The following GLMN variants were observed in gnomAD, a reference collection of about 807,000 sequenced individuals.
GLMN encodes glomulin, FKBP associated protein, also known as glomulin.
A neutral mutation model predicts 87.8 loss-of-function variants in GLMN; 75 were observed. That is an observed-to-expected ratio of 0.85 (90% CI 0.71 to 1.04). GLMN has a LOEUF of 1.04. GLMN is among the 50% of genes least tolerant of loss of function. The pLI, the probability that GLMN is intolerant of heterozygous loss-of-function variation, is 0.00. For missense variants in GLMN, 588 were observed against 658.8 expected (o/e 0.89, Z 1.18); for synonymous variants, 206 against 221.6 (o/e 0.93, Z 0.63).
intron 3 of GLMN, among the ~76,000 whole-genome samples, chr1:92,292,593 T>TC (rs1312519413): frequency 6.7e-6 from 1 of 148,288 alleles, no homozygotes; most frequent in Non-Finnish European, 1.5e-5. Flanking sequence ...TGCCTTTTTT[T>TC]TTTTTTTTTT....
At chr1:92,327,405 G>T in the GLMN span, among the ~76,000 whole-genome samples, 1 of 152,148 alleles carries the variant, frequency 6.6e-6, no homozygotes, top group East Asian at 1.9e-4. Flanking sequence ...TTTTATCATT[G>T]TATAATGTCC....
chr1:92,370,476 A>T, the GLMN span, among the ~76,000 whole-genome samples: 332 of 152,320 alleles, frequency 2.2e-3, 2 homozygotes, highest in South Asian at 9.3e-3. Flanking sequence ...AAAAACACCC[A>T]CAAAAGTTCC....
chr1:92,364,333 G>C, the GLMN span, among the ~76,000 whole-genome samples: 1 of 152,124 alleles, frequency 6.6e-6, no homozygotes, highest in Non-Finnish European at 1.5e-5. Flanking sequence ...AAGAGGTTTG[G>C]AAGAGTACTA....
chr1:92,306,163 A>T, the GLMN span, among the ~76,000 whole-genome samples: 1 of 152,178 alleles, frequency 6.6e-6, no homozygotes, highest in East Asian at 1.9e-4. Flanking sequence ...TATATGAGGT[A>T]CCTAGAGAAG....
the GLMN span, among the ~76,000 whole-genome samples, chr1:92,367,156 G>T: frequency 6.6e-6 from 1 of 152,130 alleles, no homozygotes; most frequent in African/African-American, 2.4e-5. Context: ...AAAGCTTCAG[G>T]TACTTCAGCT....
chr1:92,288,755 C>T (rs1308661448), intron 6 of GLMN, among the ~76,000 whole-genome samples, 159 bp downstream of exon 6: 1 of 152,156 alleles, frequency 6.6e-6, no homozygotes, highest in Non-Finnish European at 1.5e-5. Context: ...ATAAATGTCT[C>T]AAGTTCCCAT....
At chr1:92,251,459 G>C (rs1315402005) in intron 16 of GLMN, among the ~76,000 whole-genome samples, 1 of 151,834 alleles carries the variant, frequency 6.6e-6, no homozygotes, top group Non-Finnish European at 1.5e-5. Context: ...CTTGAAATGG[G>C]GTCATTGACC....
At chr1:92,294,261 T>TA (rs1019490688) in intron 3 of GLMN, among the ~76,000 whole-genome samples, 5 of 151,976 alleles carry the variant, frequency 3.3e-5, no homozygotes, top group Non-Finnish European at 2.9e-5. Context: ...AGAATTTTTT[T>TA]AAAAAAAATC....
upstream of GLMN, chr1:92,299,067 C>A: frequency 1.3e-6 from 2 of 1,491,138 alleles, no homozygotes; most frequent in East Asian, 2.6e-5. Context: ...GCAGACTACT[C>A]TCCCCCATGG....
rs368455445 is a variant in GLMN, at chr1:92,246,699, A to T, written c.1669-53T>A. The T allele has an allele frequency of 3.7e-4, 337 of 919,520 alleles. 8 individuals are homozygous for T. In the South Asian group the frequency reaches 4.3e-3, roughly 12 times the overall value. The allele number at this position is 919,520 out of a possible 1,614,324, so 57.0% of individuals were successfully genotyped here. ...TTAATGCTGCCTTTAAAGCAAAACAAAGCAAAACACAGAAAAGATTTCAGC... is the reference window on the plus strand; with the variant it reads ...TTAATGCTGCCTTTAAAGCAAAACATAGCAAAACACAGAAAAGATTTCAGC... On this transcript the variant is annotated intron_variant, in intron 18 of 18. Transcript: ENST00000370360.
the GLMN span, among the ~76,000 whole-genome samples, chr1:92,361,908 T>C: frequency 1.2e-4 from 19 of 152,188 alleles, no homozygotes; most frequent in South Asian, 1.7e-3. Context: ...ACCAGGTCGA[T>C]AGAGGTGGCA....
the GLMN span, among the ~76,000 whole-genome samples, chr1:92,338,443 C>T: frequency 6.6e-6 from 1 of 152,258 alleles, no homozygotes; most frequent in East Asian, 1.9e-4. Context: ...TGTCTTATAC[C>T]TATCACAGAA....
chr1:92,277,172 C>G (rs1440358106), intron 7 of GLMN, among the ~76,000 whole-genome samples: 3 of 152,054 alleles, frequency 2.0e-5, no homozygotes, highest in Admixed American at 2.0e-4. Flanking sequence ...TAAATTTAGT[C>G]AATTAAAAAA....
chr1:92,291,274 A>C, intron 4 of GLMN, 144 bp downstream of exon 4: 1 of 734,674 alleles, frequency 1.4e-6, no homozygotes, highest in Non-Finnish European at 2.3e-6. Flanking sequence ...TCCAATCAAT[A>C]AGACTGGGTC....
At chr1:92,265,324 A>G (rs1570888845) in intron 13 of GLMN, among the ~76,000 whole-genome samples, 1 of 97,536 alleles carries the variant, frequency 1.0e-5, no homozygotes, top group Admixed American at 9.8e-5. Flanking sequence ...GCTTAATTGC[A>G]AAAAAAAAAA....
intron 1 of GLMN, among the ~76,000 whole-genome samples, chr1:92,298,281 G>C (rs1430929381): frequency 6.6e-6 from 1 of 151,468 alleles, no homozygotes; most frequent in African/African-American, 2.4e-5. Flanking sequence ...CATGTTTTAA[G>C]TTTTCTAGGA....
At chr1:92,333,301 CT>C in the GLMN span, 2 of 1,027,620 alleles carry the variant, frequency 1.9e-6, no homozygotes, top group South Asian at 2.7e-5. Flanking sequence ...CAGATACAAA[CT>C]TTTGTGTTTT....
intron 13 of GLMN, 27 bp from the exon 14 acceptor site, chr1:92,264,665 G>C (rs770940522): frequency 1.2e-5 from 14 of 1,158,204 alleles, no homozygotes; most frequent in Admixed American, 3.4e-5. Flanking sequence ...CAATAGATGT[G>C]AAATTATCCT....
At chr1:92,369,752 T>A in the GLMN span, among the ~76,000 whole-genome samples, 4 of 152,004 alleles carry the variant, frequency 2.6e-5, no homozygotes, top group African/African-American at 9.7e-5. Context: ...ACTGCACAGA[T>A]AAAGGAATAA....
Sources: gnomAD v4.1 joint callset for allele counts (sites outside exome capture counted in the v4.1 genomes callset) on GRCh38, gnomAD v4.1.1 for gene constraint, MANE v1.5 for transcripts, NCBI Gene and HGNC (gene_info 2026-07-23, HGNC 2026-07-21) for gene names.